The following THSD7A variants were observed in gnomAD, a reference collection of about 807,000 sequenced individuals.
The protein encoded by THSD7A is thrombospondin type-1 domain-containing protein 7A.
Under a neutral mutation model 231.3 loss-of-function variants are expected in THSD7A, and 96 were observed. The ratio of observed to expected loss-of-function variants is 0.41; its 90% CI spans 0.35 to 0.49. THSD7A has a LOEUF of 0.49. THSD7A is among the 20% of genes least tolerant of loss of function. The pLI is 0.05. For missense variants in THSD7A, 2,290 were observed against 2,070.2 expected (o/e 1.11, Z -2.06); for synonymous variants, 940 against 743.3 (o/e 1.26, Z -4.30).
chr7:11,606,318 A>G (rs1467565926), intron 2 of THSD7A, among the ~76,000 whole-genome samples: 1 of 152,110 alleles, frequency 6.6e-6, no homozygotes, highest in Non-Finnish European at 1.5e-5. Flanking sequence ...AGGAAATCAA[A>G]TGAAAACAAG....
rs1412653138 is a variant in THSD7A at position 11,370,442 on chromosome 7, G to T, written c.*5352C>A. 3 of 152,096 alleles carry T rather than the reference G, an allele frequency of 2.0e-5. No individual in the cohort carries two copies. The highest frequency in any genetic ancestry group is 2.9e-5 in the Non-Finnish European group (2 of 68,006). 9.4% of individuals were successfully genotyped at this position (152,096 alleles called of 1,614,324 possible). A position where few individuals can be genotyped will look rare whatever the true frequency, so the allele number is the denominator to read the frequency against. On this transcript the variant is annotated 3_prime_UTR_variant, in exon 28 of 28. Coordinates refer to ENST00000423059, the MANE Select transcript of THSD7A (RefSeq NM_015204.3). Reference sequence around the variant, plus strand: ...AAACACAGATACACATGATTAGAATGAAAATGATTTCCGTATTTATGTTTG... The same window carrying T: ...AAACACAGATACACATGATTAGAATTAAAATGATTTCCGTATTTATGTTTG...
At chr7:11,521,712 G>A (rs1304990630) in intron 6 of THSD7A, among the ~76,000 whole-genome samples, 7 of 120,224 alleles carry the variant, frequency 5.8e-5, no homozygotes, top group African/African-American at 2.4e-4. Flanking sequence ...ACCCCACCAC[G>A]AGGATGCATT....
At chr7:11,575,615 G>A (rs992125335) in intron 4 of THSD7A, among the ~76,000 whole-genome samples, 3 of 152,128 alleles carry the variant, frequency 2.0e-5, no homozygotes, top group South Asian at 2.1e-4. Flanking sequence ...GGGATATAAC[G>A]GAACTCTCTG....
chr7:11,641,319 T>C (rs777159786), intron 1 of THSD7A, among the ~76,000 whole-genome samples: 1 of 152,136 alleles, frequency 6.6e-6, no homozygotes, highest in Non-Finnish European at 1.5e-5. Context: ...GATAAATTGC[T>C]TCAATAATTT....
chr7:11,721,400 T>C (rs1335435764), intron 1 of THSD7A, among the ~76,000 whole-genome samples: 1 of 151,750 alleles, frequency 6.6e-6, no homozygotes, highest in East Asian at 2.0e-4. Context: ...GCATCTCCAC[T>C]TTTGGTCTCT....
At position 11,424,747 on chromosome 7, in the gene THSD7A, A is replaced by G. The variant is rs377635360; in HGVS notation, c.3332T>C (p.Phe1111Ser). The G allele has an allele frequency of 6.2e-6, 10 of 1,613,834 alleles. No homozygotes were observed. The African/African-American group carries it at 1.2e-4, about 19-fold the overall frequency. ...TCCACAGTTCTCCCGCATATTCACAAAGGTCACCTTGCAGATGCTCCAGGG... is the reference window on the plus strand; with the variant it reads ...TCCACAGTTCTCCCGCATATTCACAGAGGTCACCTTGCAGATGCTCCAGGG... The part of the protein sequence containing the change: ...TEPWSICKVT[F>S]VNMRENCGEG... Residue 1111 changes from phenylalanine to serine, a missense_variant, in exon 16 of 28, where the codon TTT becomes TCT. Phe to Ser is a radical substitution (Grantham distance 155). Transcript: ENST00000423059.
intron 1 of THSD7A, among the ~76,000 whole-genome samples, chr7:11,703,772 T>C (rs1167703039): frequency 7.9e-5 from 12 of 151,228 alleles, no homozygotes; most frequent in Non-Finnish European, 1.8e-4. Flanking sequence ...GGATGGACAA[T>C]AGAACCTATT....
chr7:11,664,595 G>A (rs1263065799), intron 1 of THSD7A, among the ~76,000 whole-genome samples: 2 of 151,932 alleles, frequency 1.3e-5, no homozygotes, highest in Non-Finnish European at 2.9e-5. Flanking sequence ...CTTGTATATG[G>A]CCATCAACCA....
chr7:11,397,604 T>A (rs1783237321), intron 23 of THSD7A, among the ~76,000 whole-genome samples: 1 of 152,146 alleles, frequency 6.6e-6, no homozygotes. Flanking sequence ...GAAACTATCA[T>A]CAGAGTGAAC....
intron 1 of THSD7A, among the ~76,000 whole-genome samples, chr7:11,766,708 C>T (rs1028415966): frequency 1.3e-5 from 2 of 152,090 alleles, no homozygotes; most frequent in African/African-American, 4.8e-5. Context: ...ATCTACAGTA[C>T]AATTGACCTG....
chr7:11,831,900 G>T lies in THSD7A; in HGVS notation c.47C>A (p.Ala16Glu), dbSNP rs1318592033. ...CTGCAGGACGCCCCGGCGCGGCCCC[G>T]CAGCGCCCCGGCTCCCGGACGCCCA... is the stretch of plus-strand genomic sequence containing the variant. The part of the protein sequence containing the change: ...RRWASGSRGA[A>E]GPRRGVLQLL... The change falls in exon 1 of 28, where the codon GCG becomes GAG. Residue 16 changes from alanine (A) to glutamate (E), a missense_variant. Physicochemically the swap from Ala to Glu is moderately radical, Grantham distance 107. Coordinates refer to ENST00000423059, the MANE Select transcript of THSD7A (RefSeq NM_015204.3). This position sits in a 1 kb window ranked among gnomAD's most constrained non-coding sequence, Gnocchi z 5.0. The T allele has an allele frequency of 4.0e-6, 5 of 1,237,922 alleles. No individual in the cohort carries two copies. Among genetic ancestry groups the T allele is most frequent in the Non-Finnish European group, 5.0e-6 (5 of 994,344 alleles). The allele number at this position is 1,237,922 out of a possible 1,614,324, so 76.7% of individuals were successfully genotyped here. A position where few individuals can be genotyped will look rare whatever the true frequency, so the allele number is the denominator to read the frequency against.
intron 18 of THSD7A, 105 bp downstream of exon 18, chr7:11,412,551 C>T (rs1783820928): frequency 1.5e-6 from 2 of 1,346,368 alleles, no homozygotes; most frequent in South Asian, 1.5e-5. Flanking sequence ...AGCAGCATAT[C>T]CAAAAGGCAC....
At chr7:11,513,762 G>A (rs1787914787) in intron 6 of THSD7A, among the ~76,000 whole-genome samples, 1 of 152,090 alleles carries the variant, frequency 6.6e-6, no homozygotes, top group Admixed American at 6.5e-5. Context: ...ACTGTATTGT[G>A]CACTTTAAAA....
intron 23 of THSD7A, among the ~76,000 whole-genome samples, chr7:11,399,640 T>A (rs12699190): frequency 0.25 from 37,480 of 152,012 alleles, 5,552 homozygotes; most frequent in African/African-American, 0.42. Flanking sequence ...AGAATGGCGA[T>A]CATTAAAAAG....
chr7:11,744,337 A>C (rs1782208045), intron 1 of THSD7A, among the ~76,000 whole-genome samples: 1 of 151,964 alleles, frequency 6.6e-6, no homozygotes, highest in Non-Finnish European at 1.5e-5. Flanking sequence ...TTATATTAAA[A>C]GATGAAATAA....
chr7:11,808,251 G>A (rs1438006029), intron 1 of THSD7A, among the ~76,000 whole-genome samples: 1 of 152,124 alleles, frequency 6.6e-6, no homozygotes, highest in African/African-American at 2.4e-5. Context: ...GCCTTTAAGA[G>A]GTGATTAGGC....
chr7:11,567,183 T>C (rs1465696941), intron 4 of THSD7A, among the ~76,000 whole-genome samples: 1 of 152,114 alleles, frequency 6.6e-6, no homozygotes, highest in East Asian at 1.9e-4. Flanking sequence ...AGAGGTTTAA[T>C]TGACTCACAG....
At chr7:11,394,331 C>T (rs1006726019) in intron 23 of THSD7A, among the ~76,000 whole-genome samples, 6 of 152,156 alleles carry the variant, frequency 3.9e-5, no homozygotes, top group Non-Finnish European at 8.8e-5. Context: ...TTGTCACCAG[C>T]AGGCCTGCAA....
chr7:11,808,598 A>G (rs2128183565), intron 1 of THSD7A, among the ~76,000 whole-genome samples: 1 of 152,354 alleles, frequency 6.6e-6, no homozygotes, highest in African/African-American at 2.4e-5. Context: ...CTTTTTAAAA[A>G]TTAATAATAC....
Sources: allele counts gnomAD v4.1 joint callset (sites outside exome capture counted in the v4.1 genomes callset), GRCh38; gene constraint gnomAD v4.1.1; non-coding constraint Gnocchi (gnomAD v3.1); transcripts MANE v1.5; gene names NCBI Gene and HGNC (gene_info 2026-07-23, HGNC 2026-07-21).